The following CSMD2 variants were observed in gnomAD, a reference collection of about 807,000 sequenced individuals.
CSMD2 encodes the protein CUB and Sushi multiple domains 2, also known as CUB and sushi domain-containing protein 2.
Under a neutral mutation model 398.5 loss-of-function variants are expected in CSMD2, and 130 were observed. The observed-to-expected ratio is 0.33, with a 90% CI of 0.28 to 0.38. The LOEUF is 0.38. CSMD2 is among the 10% of genes least tolerant of loss of function. The probability of loss-of-function intolerance (pLI) is 1.00; values close to 1 mark genes in which losing one functional copy is unlikely to be tolerated. For missense variants in CSMD2, 3,829 were observed against 4,764.9 expected (o/e 0.80, Z 5.78); for synonymous variants, 1,828 against 1,908.5 (o/e 0.96, Z 1.10).
chr1:33,975,764 C>T (rs1558187705), intron 3 of CSMD2, among the ~76,000 whole-genome samples: 1 of 152,116 alleles, frequency 6.6e-6, no homozygotes, highest in African/African-American at 2.4e-5. Context: ...GTGGCCTGTG[C>T]GGATGCTCTC....
intron 5 of CSMD2, among the ~76,000 whole-genome samples, chr1:33,913,422 C>A (rs535670751): frequency 6.6e-6 from 1 of 152,166 alleles, no homozygotes; most frequent in Admixed American, 6.5e-5. Context: ...AGTGGGACCA[C>A]CAAAAATAGG....
chr1:33,535,371 C>T (rs1248039899), intron 62 of CSMD2, among the ~76,000 whole-genome samples: 1 of 152,206 alleles, frequency 6.6e-6, no homozygotes, highest in Non-Finnish European at 1.5e-5. Flanking sequence ...TATGTGCATA[C>T]ATACCTCTAA....
At chr1:34,136,187 A>AAAAC (rs1270207213) in intron 1 of CSMD2, among the ~76,000 whole-genome samples, 1 of 152,184 alleles carries the variant, frequency 6.6e-6, no homozygotes, top group African/African-American at 2.4e-5. Flanking sequence ...TCTAGTAAAG[A>AAAAC]AAACTTAAAA....
intron 1 of CSMD2, among the ~76,000 whole-genome samples, chr1:34,156,642 C>T (rs1424705666): frequency 2.0e-5 from 3 of 152,124 alleles, no homozygotes; most frequent in Admixed American, 6.5e-5. Flanking sequence ...ATAAATTAGA[C>T]ATTAGCAGGT....
rs1441589821 is a variant in CSMD2, at chr1:33,772,620, T to C, written c.1795A>G (p.Ile599Val). 1.2e-6 allele frequency: 2 copies of C among 1,614,124 alleles called. No homozygotes were observed. The highest frequency in any genetic ancestry group is 1.7e-6 in the Non-Finnish European group (2 of 1,179,994). Residue 599 changes from isoleucine (I) to valine (V), a missense_variant, in exon 13 of 71, where the codon ATC (isoleucine) becomes GTC (valine). Physicochemically the swap from Ile to Val is conservative, Grantham distance 29. This residue lies in a region of CSMD2 where 2,001 missense variants were observed against 2,567.1 expected (regional missense o/e 0.78). Coordinates refer to ENST00000373381, the MANE Select transcript of CSMD2 (RefSeq NM_001281956.2). Reference protein sequence around the residue: ...PAFELVGQKAITCQKNNQWSA... With the variant: ...PAFELVGQKAVTCQKNNQWSA... ...CATTGGTTATTCTTTTGGCATGTGA[T>C]TGCCTTCTGTCCCACCAGCTCAAAG...
At chr1:34,027,583 A>G (rs1390695180) in intron 3 of CSMD2, among the ~76,000 whole-genome samples, 3 of 152,232 alleles carry the variant, frequency 2.0e-5, no homozygotes, top group Non-Finnish European at 2.9e-5. Flanking sequence ...TCTTCACCTA[A>G]ATGTCCACAG....
intron 2 of CSMD2, among the ~76,000 whole-genome samples, chr1:34,064,162 G>A (rs2358697): frequency 0.46 from 70,174 of 152,126 alleles, 19,248 homozygotes; most frequent in Non-Finnish European, 0.62. Context: ...ACATGGCCTA[G>A]AGACATTTTT....
At chr1:33,621,043 G>A (rs1185388712) in intron 37 of CSMD2, among the ~76,000 whole-genome samples, 1 of 152,098 alleles carries the variant, frequency 6.6e-6, no homozygotes, top group Non-Finnish European at 1.5e-5. Context: ...ATGCCTTCCT[G>A]CATTTTTCAC....
At chr1:33,772,900 A>T (rs1651476261) in intron 12 of CSMD2, 149 bp from the exon 13 acceptor site, 15 of 667,600 alleles carry the variant, frequency 2.2e-5, no homozygotes, top group Non-Finnish European at 5.0e-6. Flanking sequence ...CTTATAAGGA[A>T]TGAGGTTTGT....
chr1:33,946,790 CTT>C (rs34749287), intron 3 of CSMD2, among the ~76,000 whole-genome samples: 11,401 of 143,776 alleles, frequency 0.079, 622 homozygotes, highest in African/African-American at 0.16. Flanking sequence ...GTCCAGCTAA[CTT>C]TTTTTTTTTT....
chr1:33,593,433 G>A (rs1197399608), intron 44 of CSMD2, among the ~76,000 whole-genome samples: 1 of 152,230 alleles, frequency 6.6e-6, no homozygotes, highest in Non-Finnish European at 1.5e-5. Context: ...AATTCCACGT[G>A]GCTGGGGAGG....
intron 57 of CSMD2, among the ~76,000 whole-genome samples, chr1:33,543,858 T>G (rs1462969029): frequency 6.6e-6 from 1 of 152,210 alleles, no homozygotes; most frequent in East Asian, 1.9e-4. Flanking sequence ...GTCAGAATAA[T>G]GAGTTGGTTT....
chr1:34,054,601 G>A (rs541210122), intron 2 of CSMD2, among the ~76,000 whole-genome samples: 56 of 152,224 alleles, frequency 3.7e-4, no homozygotes, highest in African/African-American at 1.2e-3. Flanking sequence ...TTAGCCGGGC[G>A]TGGTGGCAGG....
intron 25 of CSMD2, among the ~76,000 whole-genome samples, chr1:33,689,886 A>G (rs1225427582): frequency 1.3e-5 from 2 of 152,240 alleles, no homozygotes; most frequent in Non-Finnish European, 2.9e-5. Flanking sequence ...ATTTGGGTGT[A>G]GGCGGTAGGT....
At chr1:34,143,919 C>T (rs2148533275) in intron 1 of CSMD2, among the ~76,000 whole-genome samples, 1 of 152,316 alleles carries the variant, frequency 6.6e-6, no homozygotes, top group Non-Finnish European at 1.5e-5. Flanking sequence ...AGAGCTGATG[C>T]ATTTTAAACC....
chr1:33,801,748 G>C (rs1190728543), intron 10 of CSMD2, among the ~76,000 whole-genome samples: 1 of 152,202 alleles, frequency 6.6e-6, no homozygotes, highest in African/African-American at 2.4e-5. Flanking sequence ...GTCTCTCAAA[G>C]GGGGATAGGA....
chr1:33,541,033 C>T, intron 59 of CSMD2, 97 bp downstream of exon 59: 5 of 1,284,600 alleles, frequency 3.9e-6, no homozygotes, highest in Non-Finnish European at 1.1e-6. Flanking sequence ...TAGGGCTGGC[C>T]TTTCACCCCT....
intron 4 of CSMD2, among the ~76,000 whole-genome samples, chr1:33,934,128 G>C (rs1175281203): frequency 6.6e-6 from 1 of 152,206 alleles, no homozygotes; most frequent in Non-Finnish European, 1.5e-5. Flanking sequence ...CCTGGAGCTA[G>C]TCTTTTACAG....
At chr1:33,864,758 CCAGT>C in intron 5 of CSMD2, 1 of 1,588,922 alleles carries the variant, frequency 6.3e-7, no homozygotes, top group South Asian at 1.2e-5. Flanking sequence ...GCTGATGGAT[CCAGT>C]TTGAAAAAAC....
Sources: allele counts gnomAD v4.1 joint callset (sites outside exome capture counted in the v4.1 genomes callset), GRCh38; gene constraint gnomAD v4.1.1; regional missense constraint gnomAD v4.1.1; transcripts MANE v1.5; gene names NCBI Gene and HGNC (gene_info 2026-07-23, HGNC 2026-07-21).